The following TSPAN19 variants were observed in gnomAD, a reference collection of about 807,000 sequenced individuals.
TSPAN19 encodes the protein tetraspanin-19.
In TSPAN19, 44 loss-of-function variants were observed where a neutral mutation model predicts 35.1. The observed-to-expected ratio is 1.25, with a 90% CI of 0.98 to 1.61. TSPAN19 has a LOEUF of 1.61. Among genes scored for constraint, TSPAN19 ranks in the 40% most tolerant of loss-of-function variants. The probability of loss-of-function intolerance (pLI) is 0.00; values close to 1 mark genes in which losing one functional copy is unlikely to be tolerated. For missense variants in TSPAN19, 290 were observed against 280.0 expected, an observed-to-expected ratio of 1.04 and a Z score of -0.26; for synonymous variants, 79 against 92.0, an observed-to-expected ratio of 0.86 and a Z score of 0.81.
At chr12:85,025,362 C>T (rs1324713073) in intron 4 of TSPAN19, among the ~76,000 whole-genome samples, 7 of 151,884 alleles carry the variant, frequency 4.6e-5, no homozygotes, top group African/African-American at 9.7e-5. Context: ...TCTCCAACTA[C>T]TGGCTGGTCT....
chr12:85,033,893 G>A (rs1188638813), intron 1 of TSPAN19, among the ~76,000 whole-genome samples: 1 of 152,154 alleles, frequency 6.6e-6, no homozygotes, highest in Non-Finnish European at 1.5e-5. Context: ...TGCCTGGCTA[G>A]ATGTTAGTTA....
chr12:85,022,444 A>G (rs1005440782), intron 5 of TSPAN19, among the ~76,000 whole-genome samples: 3 of 152,132 alleles, frequency 2.0e-5, no homozygotes, highest in Non-Finnish European at 2.9e-5. Flanking sequence ...ATTAATCAGG[A>G]GATCCTTCAA....
intron 5 of TSPAN19, among the ~76,000 whole-genome samples, chr12:85,020,992 GA>G (rs1877092442): frequency 6.6e-6 from 1 of 152,000 alleles, no homozygotes; most frequent in Non-Finnish European, 1.5e-5. Context: ...ATCAGATTTG[GA>G]TGGGGATAAA....
intron 7 of TSPAN19, chr12:85,016,702 ATTGT>A: frequency 6.6e-6 from 1 of 152,000 alleles, no homozygotes; most frequent in East Asian, 1.9e-4. Context: ...AAACTTATGA[ATTGT>A]TTATTTCTGG....
rs144257416 is a variant in TSPAN19 at position 85,035,614 on chromosome 12, T to C, written c.-28+590A>G. Among the ~76,000 whole-genome samples, 155 of 152,208 alleles carry C rather than the reference T, an allele frequency of 1.0e-3. 1 individual carries two copies. The highest frequency in any genetic ancestry group is 4.8e-3 in the East Asian group (25 of 5,174). On this transcript the variant is annotated intron_variant, in intron 1 of 8. Transcript: ENST00000532498. ...TTATAGCAGATACCTTTTACAATTATGGCTACTTCCTTTTAGAATTTAATG... is the reference window on the plus strand; with the variant it reads ...TTATAGCAGATACCTTTTACAATTACGGCTACTTCCTTTTAGAATTTAATG...
intron 1 of TSPAN19, among the ~76,000 whole-genome samples, chr12:85,030,434 C>A (rs1222915472): frequency 3.3e-5 from 5 of 152,016 alleles, no homozygotes; most frequent in African/African-American, 1.2e-4. Flanking sequence ...CTTCCCCTTT[C>A]TCAGAATAAT....
intron 3 of TSPAN19, among the ~76,000 whole-genome samples, chr12:85,028,722 C>A (rs1877540786): frequency 6.6e-6 from 1 of 152,226 alleles, no homozygotes. Context: ...AGGAAATCTG[C>A]AAACCAACTG....
chr12:85,028,849 A>T (rs922659761), intron 3 of TSPAN19, among the ~76,000 whole-genome samples: 2 of 152,182 alleles, frequency 1.3e-5, no homozygotes, highest in African/African-American at 4.8e-5. Flanking sequence ...GTTTGCCGGC[A>T]TACTACTGGG....
chr12:85,020,414 A>G (rs952962840), intron 5 of TSPAN19, among the ~76,000 whole-genome samples: 12 of 151,980 alleles, frequency 7.9e-5, no homozygotes, highest in African/African-American at 2.4e-4. Context: ...TTTGAAATCT[A>G]CTGTATATTT....
intron 1 of TSPAN19, among the ~76,000 whole-genome samples, chr12:85,034,295 C>T (rs944281322): frequency 2.6e-5 from 4 of 152,070 alleles, no homozygotes; most frequent in African/African-American, 9.7e-5. Flanking sequence ...TATATCACTG[C>T]CATATGAAGA....
At chr12:85,019,273 A>C (rs1321063909) in intron 6 of TSPAN19, among the ~76,000 whole-genome samples, 1 of 151,938 alleles carries the variant, frequency 6.6e-6, no homozygotes, top group East Asian at 1.9e-4. Flanking sequence ...CAATCCTGGT[A>C]TTCAGACTCA....
At chr12:85,034,300 TGAA>T (rs1425854471) in intron 1 of TSPAN19, among the ~76,000 whole-genome samples, 4 of 152,192 alleles carry the variant, frequency 2.6e-5, no homozygotes, top group Non-Finnish European at 4.4e-5. Flanking sequence ...CACTGCCATA[TGAA>T]GAATAAAGCA....
At chr12:85,032,301 G>T (rs542446956) in intron 1 of TSPAN19, among the ~76,000 whole-genome samples, 1 of 152,136 alleles carries the variant, frequency 6.6e-6, no homozygotes, top group East Asian at 1.9e-4. Flanking sequence ...GATGGAAATG[G>T]GCAGAGGTTT....
chr12:85,026,534 A>T (rs765525556), intron 4 of TSPAN19, among the ~76,000 whole-genome samples: 4 of 152,124 alleles, frequency 2.6e-5, no homozygotes, highest in Admixed American at 6.5e-5. Context: ...GAAGGAAATC[A>T]GGGTCCATAC....
intron 6 of TSPAN19, among the ~76,000 whole-genome samples, chr12:85,017,982 T>C (rs1876908899): frequency 6.6e-6 from 1 of 151,918 alleles, no homozygotes. Context: ...TTAAAGAATA[T>C]GCAGTCATAA....
intron 5 of TSPAN19, among the ~76,000 whole-genome samples, chr12:85,021,940 T>C (rs1469197556): frequency 1.3e-5 from 2 of 152,110 alleles, no homozygotes; most frequent in South Asian, 2.1e-4. Context: ...ACAATGCCTA[T>C]AGTGTTTATC....
At chr12:85,028,781 A>G (rs1407493481) in intron 3 of TSPAN19, among the ~76,000 whole-genome samples, 1 of 152,144 alleles carries the variant, frequency 6.6e-6, no homozygotes, top group East Asian at 1.9e-4. Context: ...TGTTTAAACC[A>G]TGGAAATGGG....
In TSPAN19 at chr12:85,014,526, G is replaced by C; in HGVS notation, c.708C>G (p.Phe236Leu). The C allele has an allele frequency of 1.2e-6, 2 of 1,601,472 alleles. No individual in the cohort carries two copies. Among genetic ancestry groups the C allele is most frequent in the Non-Finnish European group, 1.7e-6 (2 of 1,173,400 alleles). The change falls in exon 9 of 9, where the codon TTC (phenylalanine) becomes TTG (leucine). Residue 236 changes from phenylalanine to leucine, a missense_variant. Coordinates refer to ENST00000532498, the MANE Select transcript of TSPAN19 (RefSeq NM_001100917.2). The part of the protein sequence containing the change: ...EVFQVSLTVC[F>L]FKNIKNIIHA... ...GGATTATATTCTTGATGTTTTTGAAGAAACAAACTGTTAATGAGACTTGGA... is the reference window on the plus strand; with the variant it reads ...GGATTATATTCTTGATGTTTTTGAACAAACAAACTGTTAATGAGACTTGGA...
Position 85,015,888 on chromosome 12 carries a change from C to T in TSPAN19, c.678G>A (p.Glu226=). 6.5e-7 allele frequency: 1 copy of T among 1,541,312 alleles called. No individual in the cohort carries two copies. The change falls in exon 8 of 9, where the codon GAG becomes GAA. Residue 226 remains glutamate (E), a splice_region_variant and synonymous_variant. Transcript: ENST00000532498. ...IGINFGLLTS[E]VFQVSLTVCF... The stretch of plus-strand genomic sequence containing the variant: ...TTTTAACATATGAACAAAAGCTTAC[C>T]TCTGAAGTTAAAAGTCCAAAGTTAA...
Sources: gnomAD v4.1 joint callset for allele counts (sites outside exome capture counted in the v4.1 genomes callset) on GRCh38, gnomAD v4.1.1 for gene constraint, MANE v1.5 for transcripts, NCBI Gene and HGNC (gene_info 2026-07-23, HGNC 2026-07-21) for gene names.